BIRC6: variants seen among roughly 807,000 people sequenced by gnomAD.
The protein encoded by BIRC6 is dual E2 ubiquitin-conjugating enzyme/E3 ubiquitin-protein ligase BIRC6.
In BIRC6, 98 loss-of-function variants were observed where a neutral mutation model predicts 503.3. The observed-to-expected ratio is 0.19, with a 90% CI of 0.17 to 0.23. The LOEUF (loss-of-function observed/expected upper bound fraction) is 0.23. Ranked by LOEUF, BIRC6 falls within the 10% of genes least tolerant of loss-of-function variation. The pLI is 1.00. For synonymous variants in BIRC6, 2,240 were observed against 2,078.7 expected, an observed-to-expected ratio of 1.08 and a Z score of -2.11; for missense variants, 5,360 against 5,806.0, an observed-to-expected ratio of 0.92 and a Z score of 2.50.
intron 62 of BIRC6, among the ~76,000 whole-genome samples, chr2:32,544,992 A>G (rs556706441): frequency 6.6e-6 from 1 of 152,230 alleles, no homozygotes; most frequent in African/African-American, 2.4e-5. Flanking sequence ...AATAAGAACC[A>G]TGGTATTTCA....
At position 32,597,861 on chromosome 2, in the gene BIRC6, G is replaced by A; in HGVS notation, c.13723G>A (p.Ala4575Thr). The A allele has an allele frequency of 6.2e-7, 1 of 1,613,846 alleles. No individual in the cohort carries two copies. The highest frequency in any genetic ancestry group is 8.5e-7 in the Non-Finnish European group (1 of 1,179,818). Residue 4575 changes from alanine (A) to threonine (T), a missense_variant, in exon 69 of 74, where the codon GCT (alanine) becomes ACT (threonine). By Grantham distance (58) the Ala-to-Thr change is moderately conservative. Transcript: ENST00000421745. Reference sequence around the variant, plus strand: ...TAATGATGCGAACAGTGCTGCCAGAGCTCGCCGCCTTGCCCAGGAAGCTGT... The same window carrying A: ...TAATGATGCGAACAGTGCTGCCAGAACTCGCCGCCTTGCCCAGGAAGCTGT... The part of the protein sequence containing the change: ...NANDANSAAR[A>T]RRLAQEAVTL...
intron 66 of BIRC6, among the ~76,000 whole-genome samples, chr2:32,576,036 T>TA (rs1429143089): frequency 6.6e-6 from 1 of 152,240 alleles, no homozygotes; most frequent in East Asian, 1.9e-4. Context: ...GACATTGTTC[T>TA]AAATACTTCA....
rs1450763780 is a variant in BIRC6 at position 32,515,473 on chromosome 2, T to C, written c.11052T>C (p.Ala3684=). The change falls in exon 55 of 74, where the codon GCT becomes GCC. Residue 3684 remains alanine, a synonymous_variant. Transcript: ENST00000421745. ...NKMPITADLV[A]PILRFLTEVG... ...TGCCTATCACAGCCGACCTAGTTGCTCCTATTCTTAGGTTTTTGACAGAAG... is the reference window on the plus strand; with the variant it reads ...TGCCTATCACAGCCGACCTAGTTGCCCCTATTCTTAGGTTTTTGACAGAAG... 1.2e-6 allele frequency: 2 copies of C among 1,613,666 alleles called. No homozygotes were observed.
intron 14 of BIRC6, 26 bp from the exon 15 acceptor site, chr2:32,436,027 A>T (rs199627990): frequency 1.3e-4 from 175 of 1,308,080 alleles, no homozygotes; most frequent in Admixed American, 2.2e-4. Flanking sequence ...TGAATTTAAA[A>T]GAAAAATATG....
intron 32 of BIRC6, 149 bp from the exon 33 acceptor site, chr2:32,472,963 T>C (rs1352575338): frequency 1.6e-6 from 1 of 618,146 alleles, no homozygotes; most frequent in Non-Finnish European, 2.7e-6. Flanking sequence ...AATCAGATCT[T>C]CTAGCAATTT....
chr2:32,494,640 G>A (rs1028806024), intron 45 of BIRC6, among the ~76,000 whole-genome samples: 4 of 151,870 alleles, frequency 2.6e-5, no homozygotes, highest in East Asian at 1.9e-4. Context: ...AGTGGCTCAC[G>A]CCTGTAATCC....
intron 71 of BIRC6, among the ~76,000 whole-genome samples, chr2:32,605,245 G>A (rs1304910576): frequency 3.9e-5 from 6 of 152,010 alleles, no homozygotes; most frequent in African/African-American, 1.2e-4. Context: ...AGGCCCCAGC[G>A]TCTGCAAAAT....
intron 65 of BIRC6, among the ~76,000 whole-genome samples, chr2:32,556,326 G>A (rs1048810810): frequency 6.6e-6 from 1 of 152,148 alleles, no homozygotes; most frequent in Non-Finnish European, 1.5e-5. Context: ...GTACAGATTT[G>A]TAAAGTTAAA....
chr2:32,487,398 G>A (rs2051128210), intron 40 of BIRC6, among the ~76,000 whole-genome samples: 1 of 152,068 alleles, frequency 6.6e-6, no homozygotes, highest in Admixed American at 6.6e-5. Flanking sequence ...TGCTAGAAAA[G>A]TTCTTTGCCT....
intron 48 of BIRC6, 51 bp downstream of exon 48, chr2:32,502,942 TGTTAC>T: frequency 6.5e-7 from 1 of 1,536,818 alleles, no homozygotes; most frequent in Non-Finnish European, 8.9e-7. Flanking sequence ...TGTGATAGTA[TGTTAC>T]ATTTTCATTT....
chr2:32,419,583 C>T (rs890601874), intron 10 of BIRC6, among the ~76,000 whole-genome samples: 1 of 152,008 alleles, frequency 6.6e-6, no homozygotes, highest in Non-Finnish European at 1.5e-5. Context: ...TAAGATGTAT[C>T]AGTGGAGTAT....
At chr2:32,510,412 G>A in intron 52 of BIRC6, 114 bp from the exon 53 acceptor site, 1 of 698,070 alleles carries the variant, frequency 1.4e-6, no homozygotes, top group Non-Finnish European at 2.5e-6. Flanking sequence ...GTTCTGTGTT[G>A]TTGGAATTTA....
chr2:32,416,977 A>C (rs1325955554), intron 10 of BIRC6, among the ~76,000 whole-genome samples: 2 of 152,000 alleles, frequency 1.3e-5, no homozygotes, highest in African/African-American at 4.8e-5. Flanking sequence ...CTGGGATTAC[A>C]GGCACGTGGC....
intron 12 of BIRC6, among the ~76,000 whole-genome samples, 200 bp from the exon 13 acceptor site, chr2:32,433,444 A>T (rs2044359831): frequency 6.6e-6 from 1 of 152,170 alleles, no homozygotes; most frequent in Admixed American, 6.5e-5. Flanking sequence ...GCAGGTGTAG[A>T]TTTCTAAAGT....
At chr2:32,439,447 G>C in intron 15 of BIRC6, 61 bp from the exon 16 acceptor site, 1 of 1,483,186 alleles carries the variant, frequency 6.7e-7, no homozygotes, top group Non-Finnish European at 9.2e-7. Context: ...CTATGAAGAT[G>C]AAAAACAGTG....
chr2:32,556,752 C>T (rs778468429), intron 65 of BIRC6, among the ~76,000 whole-genome samples: 4 of 152,062 alleles, frequency 2.6e-5, no homozygotes, highest in African/African-American at 9.7e-5. Flanking sequence ...AGTTCGAGCC[C>T]GGCCTGGCCA....
chr2:32,395,676 A>G, intron 6 of BIRC6, 83 bp downstream of exon 6: 4 of 1,288,244 alleles, frequency 3.1e-6, no homozygotes, highest in Non-Finnish European at 4.5e-6. Context: ...TGCTTATGAT[A>G]TAATTTTTTG....
At chr2:32,497,777 T>C (rs1025729970) in intron 45 of BIRC6, among the ~76,000 whole-genome samples, 3 of 152,166 alleles carry the variant, frequency 2.0e-5, no homozygotes, top group Non-Finnish European at 4.4e-5. Flanking sequence ...TTTCTTCTTT[T>C]CTACTTTCTT....
At chr2:32,471,936 T>G (rs925337502) in intron 32 of BIRC6, among the ~76,000 whole-genome samples, 1 of 152,192 alleles carries the variant, frequency 6.6e-6, no homozygotes, top group African/African-American at 2.4e-5. Context: ...ATATTATGTT[T>G]AGGAAGATGA....
Sources: gnomAD v4.1 joint callset for allele counts (sites outside exome capture counted in the v4.1 genomes callset) on GRCh38, gnomAD v4.1.1 for gene constraint, MANE v1.5 for transcripts, NCBI Gene and HGNC (gene_info 2026-07-23, HGNC 2026-07-21) for gene names.